CCDC60: variants seen among roughly 807,000 people sequenced by gnomAD.
CCDC60 encodes coiled-coil domain-containing protein 60.
A neutral mutation model predicts 63.5 loss-of-function variants in CCDC60; 54 were observed. That is an observed-to-expected ratio of 0.85 (90% confidence interval 0.68 to 1.07). CCDC60 has a LOEUF of 1.07. CCDC60 is among the 50% of genes least tolerant of loss of function. The pLI, the probability that CCDC60 is intolerant of heterozygous loss-of-function variation, is 0.00. For synonymous variants in CCDC60, 206 were observed against 238.8 expected (o/e 0.86, Z 1.27); for missense variants, 651 against 684.3 (o/e 0.95, Z 0.54).
At chr12:119,356,392 T>C (rs914859061) in intron 1 of CCDC60, among the ~76,000 whole-genome samples, 1 of 152,252 alleles carries the variant, frequency 6.6e-6, no homozygotes, top group Non-Finnish European at 1.5e-5. Flanking sequence ...TTTATATTCA[T>C]ATTCATTCAT....
chr12:119,336,336 G>A (rs1013062697), intron 1 of CCDC60, among the ~76,000 whole-genome samples: 35 of 152,160 alleles, frequency 2.3e-4, no homozygotes, highest in Non-Finnish European at 4.7e-4. Context: ...ACACATTCCC[G>A]TTGCTATCAA....
chr12:119,479,964 G>A (rs1033335840), intron 4 of CCDC60, among the ~76,000 whole-genome samples: 11 of 148,776 alleles, frequency 7.4e-5, no homozygotes, highest in Non-Finnish European at 4.4e-5. Flanking sequence ...TCCCCTGGGA[G>A]CAAAAGTGCA....
chr12:119,360,472 G>A lies in CCDC60; in HGVS notation c.90+25206G>A, dbSNP rs1443097626. 1.1e-4 allele frequency among the ~76,000 whole-genome samples: 16 copies of A among 147,826 alleles called. 1 individual carries two copies. Among genetic ancestry groups the A allele is most frequent in the Middle Eastern group, 7.6e-3 (2 of 262 alleles). On this transcript the variant is annotated intron_variant, in intron 1 of 13. Transcript: ENST00000327554. ...TTCCCAGACGGGGTGGCTGCCGGGC[G>A]GAGAGGCTCCTCACTTCTCAGATGG...
intron 1 of CCDC60, among the ~76,000 whole-genome samples, chr12:119,339,272 C>T (rs995804272): frequency 6.6e-6 from 1 of 152,084 alleles, no homozygotes; most frequent in African/African-American, 2.4e-5. Context: ...TAGAACATCC[C>T]CCTTTATGTT....
At chr12:119,343,237 T>C (rs1331146034) in intron 1 of CCDC60, among the ~76,000 whole-genome samples, 1 of 152,192 alleles carries the variant, frequency 6.6e-6, no homozygotes, top group Admixed American at 6.5e-5. Flanking sequence ...TGATCTAATG[T>C]ATTTCTGCCT....
chr12:119,408,685 G>C (rs1956538327), intron 1 of CCDC60, among the ~76,000 whole-genome samples: 1 of 152,086 alleles, frequency 6.6e-6, no homozygotes, highest in South Asian at 2.1e-4. Context: ...AATTAGCCAG[G>C]CGTGGTGGCG....
At chr12:119,439,091 G>T (rs1950383517) in intron 2 of CCDC60, among the ~76,000 whole-genome samples, 1 of 126,502 alleles carries the variant, frequency 7.9e-6, no homozygotes, top group Non-Finnish European at 1.6e-5. Context: ...CATCATTGAA[G>T]ATGCAGGATG....
intron 7 of CCDC60, among the ~76,000 whole-genome samples, chr12:119,506,033 A>C (rs1335738008): frequency 6.6e-6 from 1 of 152,138 alleles, no homozygotes. Context: ...ATACCATAAA[A>C]TTCGCTTATT....
chr12:119,365,933 G>A (rs1049494153), intron 1 of CCDC60, among the ~76,000 whole-genome samples: 5 of 152,096 alleles, frequency 3.3e-5, no homozygotes, highest in South Asian at 4.2e-4. Flanking sequence ...TAAGTAAAAG[G>A]GCAATGGGGC....
chr12:119,502,206 C>A (rs551630740), intron 6 of CCDC60, among the ~76,000 whole-genome samples: 3 of 152,136 alleles, frequency 2.0e-5, no homozygotes, highest in African/African-American at 7.2e-5. Flanking sequence ...GCTCATTTTG[C>A]CTTGTGAGAA....
chr12:119,360,166 ACC>A (rs1199688450), intron 1 of CCDC60, among the ~76,000 whole-genome samples: 5 of 107,150 alleles, frequency 4.7e-5, no homozygotes, highest in East Asian at 2.5e-4. Context: ...CGGGGGGCTG[ACC>A]CCCCCCCACC....
chr12:119,471,254 C>A (rs1220353964), intron 2 of CCDC60, among the ~76,000 whole-genome samples: 4 of 152,198 alleles, frequency 2.6e-5, no homozygotes, highest in African/African-American at 9.6e-5. Context: ...GAGGTCCCAA[C>A]ATATGTTATT....
intron 1 of CCDC60, among the ~76,000 whole-genome samples, chr12:119,398,369 G>A (rs1956323829): frequency 6.6e-6 from 1 of 152,122 alleles, no homozygotes; most frequent in South Asian, 2.1e-4. Flanking sequence ...CCCGGAACTC[G>A]TGCTGGCCTG....
intron 1 of CCDC60, among the ~76,000 whole-genome samples, chr12:119,398,404 C>T (rs1329491368): frequency 1.3e-5 from 2 of 152,124 alleles, no homozygotes; most frequent in African/African-American, 2.4e-5. Context: ...AGACTCGGTT[C>T]CCACCCGTGC....
At chr12:119,477,784 G>A (rs1323950038) in intron 3 of CCDC60, among the ~76,000 whole-genome samples, 1 of 152,202 alleles carries the variant, frequency 6.6e-6, no homozygotes, top group Non-Finnish European at 1.5e-5. Flanking sequence ...CATCATTCTT[G>A]TGTAGAAACA....
intron 8 of CCDC60, among the ~76,000 whole-genome samples, chr12:119,519,707 C>T (rs1410642881): frequency 1.3e-5 from 2 of 152,086 alleles, no homozygotes; most frequent in African/African-American, 4.8e-5. Flanking sequence ...AAGTGATCCG[C>T]TTGCCTTGCC....
At chr12:119,390,793 G>T (rs533190359) in intron 1 of CCDC60, among the ~76,000 whole-genome samples, 1 of 152,252 alleles carries the variant, frequency 6.6e-6, no homozygotes, top group African/African-American at 2.4e-5. Context: ...TGAGTAGCAA[G>T]GAGTTAGATG....
At chr12:119,421,359 C>T (rs1956809576) in intron 1 of CCDC60, among the ~76,000 whole-genome samples, 1 of 152,018 alleles carries the variant, frequency 6.6e-6, no homozygotes, top group Non-Finnish European at 1.5e-5. Context: ...AGCTAGCAAC[C>T]GCTACCCCTC....
At chr12:119,517,695 C>A (rs181433452) in intron 8 of CCDC60, among the ~76,000 whole-genome samples, 43 of 152,186 alleles carry the variant, frequency 2.8e-4, no homozygotes, top group African/African-American at 7.5e-4. Flanking sequence ...TGAAATGCAG[C>A]CAAAAAGGGA....
Sources: allele counts gnomAD v4.1 joint callset (sites outside exome capture counted in the v4.1 genomes callset), GRCh38; gene constraint gnomAD v4.1.1; transcripts MANE v1.5; gene names NCBI Gene and HGNC (gene_info 2026-07-23, HGNC 2026-07-21).